ERC2: variants seen among roughly 807,000 people sequenced by gnomAD.
ERC2 encodes ERC protein 2.
ERC2 carries 42 observed loss-of-function variants against 114.8 expected under a neutral mutation model. That is an observed-to-expected ratio of 0.37 (90% CI 0.29 to 0.47). ERC2 has a LOEUF of 0.47. Ranked by LOEUF, ERC2 falls within the 20% of genes least tolerant of loss-of-function variation. The pLI is 0.99. For missense variants in ERC2, 939 were observed against 1,150.7 expected (o/e 0.82, Z 2.66); for synonymous variants, 454 against 425.5 (o/e 1.07, Z -0.82).
chr3:56,293,607 TATATACAGATGTATTTTCCA>T (rs1359380686), intron 3 of ERC2, among the ~76,000 whole-genome samples: 1 of 152,238 alleles, frequency 6.6e-6, no homozygotes, highest in Admixed American at 6.5e-5. Flanking sequence ...ATGAGTCTTT[TATATACAGATGTATTTTCCA>T]AATTCTCCCC....
intron 14 of ERC2, among the ~76,000 whole-genome samples, chr3:55,755,837 A>G (rs188352535): frequency 9.8e-5 from 15 of 152,288 alleles, no homozygotes; most frequent in African/African-American, 3.4e-4. Flanking sequence ...TCGCTTATAT[A>G]CAGATAAATG....
At chr3:55,608,798 C>T (rs1017446487) in intron 17 of ERC2, among the ~76,000 whole-genome samples, 3 of 152,142 alleles carry the variant, frequency 2.0e-5, no homozygotes, top group Non-Finnish European at 4.4e-5. Context: ...AAGCCAATTA[C>T]CTCAATCATT....
chr3:56,435,053 T>C lies in ERC2; in HGVS notation c.-46A>G. 6.9e-7 allele frequency: 1 copy of C among 1,443,322 alleles called. No individual in the cohort carries two copies. The highest frequency in any genetic ancestry group is 9.3e-7 in the Non-Finnish European group (1 of 1,070,512). 89.4% of individuals were successfully genotyped at this position (1,443,322 alleles called of 1,614,324 possible). A position where few individuals can be genotyped will look rare whatever the true frequency, so the allele number is the denominator to read the frequency against. On this transcript the variant is annotated 5_prime_UTR_variant, in exon 2 of 18. Transcript: ENST00000288221. ...TTACTGAAGAGAAGAAATGCTATAT[T>C]AAGTTGGGGTTTGAGCTAATATTTC... is the stretch of plus-strand genomic sequence containing the variant.
At chr3:55,993,152 C>T (rs2071212335) in intron 10 of ERC2, among the ~76,000 whole-genome samples, 3 of 152,154 alleles carry the variant, frequency 2.0e-5, no homozygotes, top group South Asian at 4.2e-4. Flanking sequence ...CCCTTGTTTC[C>T]CATTATTCCT....
At chr3:55,675,221 T>A (rs1164865939) in intron 17 of ERC2, among the ~76,000 whole-genome samples, 1 of 152,224 alleles carries the variant, frequency 6.6e-6, no homozygotes, top group Non-Finnish European at 1.5e-5. Flanking sequence ...AGGACATGTA[T>A]ATTCCCAGAA....
chr3:55,820,371 C>T (rs923566948), intron 14 of ERC2, among the ~76,000 whole-genome samples: 5 of 151,850 alleles, frequency 3.3e-5, no homozygotes, highest in Non-Finnish European at 7.4e-5. Context: ...TTTTGTAGAA[C>T]AAAAAAAGCA....
chr3:55,840,774 C>T (rs887875432), intron 14 of ERC2, among the ~76,000 whole-genome samples: 1 of 152,212 alleles, frequency 6.6e-6, no homozygotes, highest in South Asian at 2.1e-4. Flanking sequence ...GCCAAACCTA[C>T]TGGCATACTA....
intron 14 of ERC2, among the ~76,000 whole-genome samples, chr3:55,758,069 A>G (rs750646268): frequency 6.6e-6 from 1 of 152,210 alleles, no homozygotes; most frequent in Admixed American, 6.5e-5. Context: ...CTTAAAAAAA[A>G]TTCACAGCTA....
At chr3:55,702,398 C>G (rs867994314) in intron 15 of ERC2, among the ~76,000 whole-genome samples, 1 of 152,150 alleles carries the variant, frequency 6.6e-6, no homozygotes, top group African/African-American at 2.4e-5. Flanking sequence ...TACTCTAGAC[C>G]GTTTTTATTT....
chr3:55,924,928 A>C (rs1247831807), intron 13 of ERC2, among the ~76,000 whole-genome samples: 1 of 152,192 alleles, frequency 6.6e-6, no homozygotes, highest in African/African-American at 2.4e-5. Flanking sequence ...TATAGTATGC[A>C]CTACCTTGCT....
chr3:55,768,594 G>C (rs937431572), intron 14 of ERC2, among the ~76,000 whole-genome samples: 1 of 152,228 alleles, frequency 6.6e-6, no homozygotes, highest in Non-Finnish European at 1.5e-5. Flanking sequence ...CTGTGAAGGA[G>C]ATGTTTGAAC....
intron 3 of ERC2, among the ~76,000 whole-genome samples, chr3:56,219,674 G>GAAAAAAA (rs35098698): frequency 3.2e-5 from 4 of 123,110 alleles, no homozygotes; most frequent in Non-Finnish European, 3.3e-5. Flanking sequence ...GCTCAAGTGC[G>GAAAAAAA]AAAAAAAAAA....
At chr3:55,738,891 C>A (rs1350618656) in intron 14 of ERC2, among the ~76,000 whole-genome samples, 1 of 152,114 alleles carries the variant, frequency 6.6e-6, no homozygotes, top group Non-Finnish European at 1.5e-5. Context: ...AGGTATTTCC[C>A]TAATGCTCTC....
chr3:56,405,624 GAGAT>G (rs1247128403), intron 2 of ERC2, among the ~76,000 whole-genome samples: 2 of 145,364 alleles, frequency 1.4e-5, no homozygotes, highest in African/African-American at 2.6e-5. Flanking sequence ...TAGATGGATG[GAGAT>G]AGATAGATAC....
intron 2 of ERC2, among the ~76,000 whole-genome samples, chr3:56,404,099 G>A (rs1201089191): frequency 1.3e-5 from 2 of 152,138 alleles, no homozygotes; most frequent in East Asian, 3.8e-4. Context: ...CAATGACTGG[G>A]GGTCTTTAAG....
chr3:55,582,118 A>G (rs1314663550), intron 17 of ERC2, among the ~76,000 whole-genome samples: 4 of 152,120 alleles, frequency 2.6e-5, no homozygotes, highest in Non-Finnish European at 5.9e-5. Flanking sequence ...GGTCTCAGCT[A>G]AAACAACATG....
chr3:55,745,708 C>T (rs2066263067), intron 14 of ERC2, among the ~76,000 whole-genome samples: 1 of 152,186 alleles, frequency 6.6e-6, no homozygotes. Context: ...GAGCTTTGTC[C>T]AGTATCTGCC....
At chr3:55,962,266 A>C (rs1466400657) in intron 12 of ERC2, among the ~76,000 whole-genome samples, 1 of 152,226 alleles carries the variant, frequency 6.6e-6, no homozygotes, top group Admixed American at 6.5e-5. Flanking sequence ...GTCTTTCCAA[A>C]GTCTGGAAAA....
intron 13 of ERC2, among the ~76,000 whole-genome samples, chr3:55,920,729 C>T (rs967444343): frequency 1.3e-5 from 2 of 152,004 alleles, no homozygotes; most frequent in African/African-American, 2.4e-5. Context: ...TAATAGAGCA[C>T]GTGATTCTGC....
Sources: allele counts gnomAD v4.1 joint callset (sites outside exome capture counted in the v4.1 genomes callset), GRCh38; gene constraint gnomAD v4.1.1; transcripts MANE v1.5; gene names NCBI Gene and HGNC (gene_info 2026-07-23, HGNC 2026-07-21).